Variants in PDE2A observed in about 807,000 individuals in gnomAD.
PDE2A encodes the protein cGMP-dependent 3',5'-cyclic phosphodiesterase.
PDE2A carries 53 observed loss-of-function variants against 133.6 expected under a neutral mutation model. That is an observed-to-expected ratio of 0.40 (90% CI 0.32 to 0.50). PDE2A has a LOEUF of 0.50. Among genes scored for constraint, PDE2A ranks in the 20% least tolerant of loss-of-function variants. The probability of loss-of-function intolerance (pLI) is 0.73; values close to 1 mark genes in which losing one functional copy is unlikely to be tolerated. For missense variants in PDE2A, 796 were observed against 1,232.4 expected, an observed-to-expected ratio of 0.65 and a Z score of 5.30; for synonymous variants, 491 against 490.2, an observed-to-expected ratio of 1.00 and a Z score of -0.02.
At chr11:72,601,520 G>T (rs968115424) in intron 4 of PDE2A, among the ~76,000 whole-genome samples, 2 of 152,056 alleles carry the variant, frequency 1.3e-5, no homozygotes, top group Non-Finnish European at 2.9e-5. Flanking sequence ...AATTTCTTAG[G>T]GATGGGCCCT....
chr11:72,589,966 G>A lies in PDE2A; in HGVS notation c.772C>T (p.Arg258Trp). 1 of 1,612,542 alleles carries A rather than the reference G, an allele frequency of 6.2e-7. No individual in the cohort carries two copies. Among genetic ancestry groups the A allele is most frequent in the Non-Finnish European group, 8.5e-7 (1 of 1,179,608 alleles). The change falls in exon 10 of 31, where the codon CGG becomes TGG. Residue 258 changes from arginine (R) to tryptophan (W), a missense_variant. Arg to Trp is a moderately radical substitution (Grantham distance 101). Coordinates refer to ENST00000334456, the MANE Select transcript of PDE2A (RefSeq NM_002599.5). ...KVLQYLQQET[R>W]ASRCCLLLVS... ...AGCAGGAGGCAGCAGCGGGATGCCC[G>A]GGTCTCCTGCTGCAGCTGAGAGAGG...
At chr11:72,606,994 C>T (rs1856996060) in intron 3 of PDE2A, among the ~76,000 whole-genome samples, 1 of 152,184 alleles carries the variant, frequency 6.6e-6, no homozygotes, top group Non-Finnish European at 1.5e-5. Context: ...AGCCAGGTGC[C>T]AGCAGCTCTC....
intron 2 of PDE2A, among the ~76,000 whole-genome samples, chr11:72,632,355 C>T (rs1336225028): frequency 1.3e-5 from 2 of 152,180 alleles, no homozygotes; most frequent in Admixed American, 6.5e-5. Context: ...TTAGCTGCGC[C>T]TGCAGCTGGG....
intron 1 of PDE2A, among the ~76,000 whole-genome samples, chr11:72,645,456 GCT>G (rs1361695690): frequency 6.6e-6 from 1 of 152,166 alleles, no homozygotes; most frequent in Non-Finnish European, 1.5e-5. Flanking sequence ...GCCTTGCCGA[GCT>G]CTTATAGCTA....
intron 1 of PDE2A, among the ~76,000 whole-genome samples, chr11:72,647,165 G>T (rs1291335872): frequency 6.6e-6 from 1 of 152,216 alleles, no homozygotes; most frequent in African/African-American, 2.4e-5. Flanking sequence ...GATCTCCATA[G>T]ACTGTAAGTC....
chr11:72,585,287 G>A, intron 16 of PDE2A, 84 bp downstream of exon 16: 3 of 1,130,182 alleles, frequency 2.7e-6, no homozygotes, highest in South Asian at 1.3e-5. Context: ...GCAGAGAAAG[G>A]GAAGTGGGTG....
chr11:72,597,115 A>G lies in PDE2A; in HGVS notation c.433+395T>C, dbSNP rs1856524585. On this transcript the variant is annotated intron_variant, in intron 5 of 30. Transcript: ENST00000334456. The surrounding 1 kb of genome is among the most constrained non-coding windows in gnomAD (Gnocchi z 4.6). ...CGGACAGGAGGCATGGAGGAGAAGAAAAAGAGAAATAGGGCCAATGACAGT... is the reference window on the plus strand; with the variant it reads ...CGGACAGGAGGCATGGAGGAGAAGAGAAAGAGAAATAGGGCCAATGACAGT... Among the ~76,000 whole-genome samples the G allele has an allele frequency of 6.6e-6, 1 of 152,106 alleles. No individual in the cohort carries two copies. Among genetic ancestry groups the G allele is most frequent in the Admixed American group, 6.6e-5 (1 of 15,258 alleles).
chr11:72,582,739 C>T (rs1427845438), intron 20 of PDE2A, among the ~76,000 whole-genome samples, 173 bp from the exon 21 acceptor site: 2 of 152,196 alleles, frequency 1.3e-5, no homozygotes, highest in Non-Finnish European at 2.9e-5. Context: ...CACAGCCCTG[C>T]AGCCCACCCC....
intron 2 of PDE2A, among the ~76,000 whole-genome samples, chr11:72,633,445 A>T (rs769188617): frequency 2.0e-5 from 3 of 152,172 alleles, no homozygotes; most frequent in Non-Finnish European, 4.4e-5. Flanking sequence ...CACAGAGTTC[A>T]GTTGTCACAA....
At chr11:72,608,021 G>A (rs1857047877) in intron 3 of PDE2A, among the ~76,000 whole-genome samples, 1 of 152,130 alleles carries the variant, frequency 6.6e-6, no homozygotes, top group African/African-American at 2.4e-5. Flanking sequence ...AGCCAGGTAG[G>A]GGAGTGGCCT....
intron 22 of PDE2A, 28 bp downstream of exon 22, chr11:72,581,849 G>T (rs780346364): frequency 1.2e-6 from 2 of 1,607,536 alleles, no homozygotes; most frequent in South Asian, 2.2e-5. Flanking sequence ...GGGAGGCGAA[G>T]ACTGGGGCTG....
intron 2 of PDE2A, among the ~76,000 whole-genome samples, chr11:72,621,083 A>G (rs1332931970): frequency 2.0e-5 from 3 of 152,216 alleles, no homozygotes; most frequent in Middle Eastern, 3.4e-3. Flanking sequence ...CCCATTTTAT[A>G]CTTGAGGAAA....
intron 1 of PDE2A, among the ~76,000 whole-genome samples, chr11:72,671,962 C>G (rs1855394986): frequency 6.6e-6 from 1 of 151,998 alleles, no homozygotes; most frequent in Non-Finnish European, 1.5e-5. Flanking sequence ...GATGTCTGCA[C>G]TACACCCCTG....
chr11:72,598,410 G>A (rs143491902), intron 4 of PDE2A: 10 of 875,132 alleles, frequency 1.1e-5, no homozygotes, highest in African/African-American at 1.0e-4. Flanking sequence ...AACCAAGGCA[G>A]GGGAGGTTGG....
rs184775194 is a variant in PDE2A at position 72,609,817 on chromosome 11, A to G, written c.145-1066T>C. On this transcript the variant is annotated intron_variant, in intron 2 of 30. Transcript: ENST00000334456. ...TGATTAACTGCAAGATGAAGGAGAC[A>G]TGGCTGGGTCCCCATTCATGTGAAC... is the stretch of plus-strand genomic sequence containing the variant. Among the ~76,000 whole-genome samples, 437 of 151,464 alleles carry G rather than the reference A, an allele frequency of 2.9e-3. 2 individuals carry two copies. Among genetic ancestry groups the G allele is most frequent in the Non-Finnish European group, 4.7e-3 (321 of 67,716 alleles).
At position 72,577,340 on chromosome 11, in the gene PDE2A, G is replaced by A. The variant is rs933580849; in HGVS notation, c.*44C>T. 4 of 1,469,224 alleles carry A rather than the reference G, an allele frequency of 2.7e-6. No individual in the cohort carries two copies. In the African/African-American group the frequency reaches 5.5e-5, roughly 20 times the overall value. The allele number at this position is 1,469,224 out of a possible 1,614,324, so 91.0% of individuals were successfully genotyped here. ...AGTGCATCTGGCCAGACCAGTGGAG[G>A]GCTGTGGGAGGTGGCCTGGGCAGGG... On this transcript the variant is annotated 3_prime_UTR_variant, in exon 31 of 31. Coordinates refer to ENST00000334456, the MANE Select transcript of PDE2A (RefSeq NM_002599.5).
chr11:72,609,041 TG>T (rs2135362303), intron 2 of PDE2A, among the ~76,000 whole-genome samples: 1 of 152,374 alleles, frequency 6.6e-6, no homozygotes, highest in African/African-American at 2.4e-5. Context: ...CCAGGTCTCT[TG>T]TTCTCTAGTC....
intron 1 of PDE2A, among the ~76,000 whole-genome samples, chr11:72,647,957 A>C (rs1173861640): frequency 6.6e-6 from 1 of 152,024 alleles, no homozygotes; most frequent in Non-Finnish European, 1.5e-5. Context: ...GGGTGTGTCT[A>C]TGCAGATAGG....
intron 2 of PDE2A, among the ~76,000 whole-genome samples, chr11:72,637,658 C>G (rs1565186539): frequency 6.6e-6 from 1 of 152,232 alleles, no homozygotes; most frequent in Non-Finnish European, 1.5e-5. Context: ...AGCAAACCAT[C>G]AGTGGAGGAC....
Sources: gnomAD v4.1 joint callset for allele counts (sites outside exome capture counted in the v4.1 genomes callset) on GRCh38, gnomAD v4.1.1 for gene constraint, Gnocchi (gnomAD v3.1) non-coding constraint, MANE v1.5 for transcripts, NCBI Gene and HGNC (gene_info 2026-07-23, HGNC 2026-07-21) for gene names.